FHIP1A: variants seen among roughly 807,000 people sequenced by gnomAD.
The protein encoded by FHIP1A is FHF complex subunit HOOK interacting protein 1A.
A neutral mutation model predicts 88.6 loss-of-function variants in FHIP1A; 61 were observed. That is an observed-to-expected ratio of 0.69 (90% CI 0.56 to 0.85). The LOEUF is 0.85. FHIP1A is among the 40% of genes least tolerant of loss of function. The pLI is 0.00. For synonymous variants in FHIP1A, 478 were observed against 496.0 expected, an observed-to-expected ratio of 0.96 and a Z score of 0.48; for missense variants, 1,154 against 1,273.5, an observed-to-expected ratio of 0.91 and a Z score of 1.43.
intron 9 of FHIP1A, among the ~76,000 whole-genome samples, chr4:151,645,602 A>C (rs747062432): frequency 1.8e-4 from 27 of 150,928 alleles, no homozygotes; most frequent in Non-Finnish European, 2.8e-4. Context: ...TGGCTGATTG[A>C]AAGTTTGTGA....
chr4:151,506,550 G>C (rs1420582893), intron 3 of FHIP1A, among the ~76,000 whole-genome samples: 2 of 152,164 alleles, frequency 1.3e-5, no homozygotes, highest in Admixed American at 6.5e-5. Flanking sequence ...GTGAAGAGAA[G>C]CTGCTGTATG....
At chr4:151,492,139 G>A (rs547019726) in intron 3 of FHIP1A, among the ~76,000 whole-genome samples, 12 of 152,000 alleles carry the variant, frequency 7.9e-5, no homozygotes, top group Non-Finnish European at 1.3e-4. Flanking sequence ...AAACTATACC[G>A]TAGAACAAAT....
At chr4:151,642,672 G>A (rs10471072) in intron 9 of FHIP1A, among the ~76,000 whole-genome samples, 5,154 of 152,064 alleles carry the variant, frequency 0.034, 293 homozygotes, top group African/African-American at 0.12. Context: ...TCACTGCCTT[G>A]TTTTGCTTGT....
chr4:151,560,817 A>G (rs1046744717), intron 3 of FHIP1A, among the ~76,000 whole-genome samples: 13 of 152,156 alleles, frequency 8.5e-5, no homozygotes, highest in African/African-American at 3.1e-4. Flanking sequence ...TTCAAAATAC[A>G]TAATTTTTAC....
intron 2 of FHIP1A, among the ~76,000 whole-genome samples, chr4:151,475,195 C>T (rs1729655260): frequency 6.6e-6 from 1 of 152,076 alleles, no homozygotes; most frequent in Non-Finnish European, 1.5e-5. Context: ...AAGTACTTCC[C>T]ATGTGCCAGG....
chr4:151,619,704 C>G (rs1408332848), intron 7 of FHIP1A, among the ~76,000 whole-genome samples: 1 of 152,162 alleles, frequency 6.6e-6, no homozygotes, highest in Non-Finnish European at 1.5e-5. Flanking sequence ...ATTTTAAGCA[C>G]CCAATATATG....
chr4:151,539,401 G>A (rs1326184859), intron 3 of FHIP1A, among the ~76,000 whole-genome samples: 1 of 151,684 alleles, frequency 6.6e-6, no homozygotes, highest in African/African-American at 2.4e-5. Flanking sequence ...GGCCAACGTG[G>A]TGAAAATAAA....
intron 3 of FHIP1A, among the ~76,000 whole-genome samples, chr4:151,490,902 C>T (rs116554131): frequency 6.6e-6 from 1 of 151,868 alleles, no homozygotes; most frequent in African/African-American, 2.4e-5. Context: ...GAACTTCAGA[C>T]CTTGAAGACA....
intron 7 of FHIP1A, among the ~76,000 whole-genome samples, chr4:151,626,811 C>G (rs1050871789): frequency 2.6e-5 from 4 of 152,174 alleles, no homozygotes; most frequent in Non-Finnish European, 4.4e-5. Context: ...GAAGAAGATG[C>G]TACTTTCCAG....
chr4:151,454,040 A>G (rs1402957011), intron 1 of FHIP1A, among the ~76,000 whole-genome samples: 1 of 152,318 alleles, frequency 6.6e-6, no homozygotes, highest in African/African-American at 2.4e-5. Flanking sequence ...GCTGTGATGA[A>G]TAAACATTTT....
chr4:151,618,827 G>A (rs1735637493), intron 7 of FHIP1A, among the ~76,000 whole-genome samples: 1 of 152,196 alleles, frequency 6.6e-6, no homozygotes, highest in African/African-American at 2.4e-5. Context: ...TCCCATTGCA[G>A]ACCATTTTCT....
In FHIP1A at chr4:151,551,611, T is replaced by C. The variant is rs188779576; in HGVS notation, c.-122-14527T>C. Among the ~76,000 whole-genome samples, 11 of 152,298 alleles carry C rather than the reference T, an allele frequency of 7.2e-5. No homozygotes were observed. In the East Asian group the frequency reaches 1.7e-3, roughly 24 times the overall value. ...GGATTCCCTATTTAATAAATGGTGC[T>C]GGGAAAACTGGCTAGCCATATGTAG... On this transcript the variant is annotated intron_variant, in intron 3 of 13. Coordinates refer to ENST00000435205, the MANE Select transcript of FHIP1A (RefSeq NM_001109977.3).
rs183611627 is a variant in FHIP1A, at chr4:151,454,055, A to G, written c.-355-646A>G. Among the ~76,000 whole-genome samples, 396 of 152,326 alleles carry G rather than the reference A, an allele frequency of 2.6e-3. 11 individuals are homozygous for G. The highest frequency in any genetic ancestry group is 0.025 in the Admixed American group (375 of 15,294). The stretch of plus-strand genomic sequence containing the variant: ...GCTGTGATGAATAAACATTTTTTAC[A>G]TAATTTTTTCCCATAGGAATGTACA... On this transcript the variant is annotated intron_variant, in intron 1 of 13. Coordinates refer to ENST00000435205, the MANE Select transcript of FHIP1A (RefSeq NM_001109977.3).
intron 7 of FHIP1A, among the ~76,000 whole-genome samples, chr4:151,617,706 T>C (rs1196203837): frequency 6.6e-6 from 1 of 151,982 alleles, no homozygotes; most frequent in Non-Finnish European, 1.5e-5. Flanking sequence ...GCTGACATGG[T>C]GAAACCCCAT....
chr4:151,418,481 A>T (rs1732984043), intron 1 of FHIP1A, among the ~76,000 whole-genome samples: 1 of 152,152 alleles, frequency 6.6e-6, no homozygotes, highest in Non-Finnish European at 1.5e-5. Flanking sequence ...CCTCTTGATT[A>T]TGTCTTAGGA....
At chr4:151,549,314 A>G (rs1397927975) in intron 3 of FHIP1A, among the ~76,000 whole-genome samples, 3 of 152,116 alleles carry the variant, frequency 2.0e-5, no homozygotes, top group South Asian at 4.2e-4. Flanking sequence ...GAATCAAAGA[A>G]TAAGAGAGCT....
intron 7 of FHIP1A, among the ~76,000 whole-genome samples, chr4:151,628,455 A>T (rs921188374): frequency 1.3e-5 from 2 of 152,218 alleles, no homozygotes; most frequent in South Asian, 2.1e-4. Flanking sequence ...TATGTAGCAG[A>T]TCTGGACATC....
chr4:151,527,645 AAC>A (rs1215631161), intron 3 of FHIP1A, among the ~76,000 whole-genome samples: 3 of 152,166 alleles, frequency 2.0e-5, no homozygotes, highest in South Asian at 2.1e-4. Flanking sequence ...TTTTATTGGT[AAC>A]ACAGGGGCTG....
At chr4:151,537,066 C>A (rs1009187082) in intron 3 of FHIP1A, among the ~76,000 whole-genome samples, 1 of 151,960 alleles carries the variant, frequency 6.6e-6, no homozygotes, top group African/African-American at 2.4e-5. Context: ...CTGGTAGAGA[C>A]AGAGTTTCAC....
Sources: allele counts gnomAD v4.1 joint callset (sites outside exome capture counted in the v4.1 genomes callset), GRCh38; gene constraint gnomAD v4.1.1; transcripts MANE v1.5; gene names NCBI Gene and HGNC (gene_info 2026-07-23, HGNC 2026-07-21).